The following USP9X variants were observed in gnomAD, a reference collection of about 807,000 sequenced individuals.
USP9X encodes ubiquitin specific peptidase 9 X-linked, also known as ubiquitin carboxyl-terminal hydrolase 9X.
USP9X carries 7 observed loss-of-function variants against 190.3 expected under a neutral mutation model. That is an observed-to-expected ratio of 0.04 (90% CI 0.02 to 0.07). The LOEUF (loss-of-function observed/expected upper bound fraction) is 0.07, where lower values mean the gene tolerates loss of function less well. Among genes scored for constraint, USP9X ranks in the 10% least tolerant of loss-of-function variants. USP9X has a pLI of 1.00. For synonymous variants in USP9X, 645 were observed against 659.5 expected (o/e 0.98, Z 0.34); for missense variants, 1,010 against 1,916.9 (o/e 0.53, Z 8.83).
intron 5 of USP9X, 118 bp from the exon 6 acceptor site, chrX:41,136,686 A>G (rs1246467781): frequency 1.9e-6 from 1 of 522,374 alleles, no homozygotes. Context: ...CCCAATATTA[A>G]TGATTAGAAA....
At chrX:41,142,849 T>C (rs1425187570) in intron 9 of USP9X, among the ~76,000 whole-genome samples, 1 of 111,873 alleles carries the variant, frequency 8.9e-6, no homozygotes, top group Non-Finnish European at 1.9e-5. Flanking sequence ...TTTGGAAAAT[T>C]AAAGAGATAA....
intron 21 of USP9X, among the ~76,000 whole-genome samples, chrX:41,181,203 G>A (rs1305245011): frequency 2.7e-5 from 3 of 109,722 alleles, no homozygotes; most frequent in Non-Finnish European, 5.7e-5. Flanking sequence ...TTTTAAAGAC[G>A]GAGAAACTGA....
At chrX:41,175,202 C>T (rs2062763250) in intron 21 of USP9X, among the ~76,000 whole-genome samples, 1 of 111,517 alleles carries the variant, frequency 9.0e-6, no homozygotes, top group Admixed American at 9.5e-5. Context: ...ATTCTTTCAG[C>T]ACTTGTGTGC....
intron 21 of USP9X, among the ~76,000 whole-genome samples, chrX:41,178,041 T>C (rs1252495575): frequency 9.3e-6 from 1 of 107,908 alleles, no homozygotes; most frequent in Non-Finnish European, 1.9e-5. Context: ...TCCAGAGTTT[T>C]TAGAAGGAAG....
At chrX:41,185,784 C>T (rs2062868448) in intron 23 of USP9X, among the ~76,000 whole-genome samples, 1 of 111,021 alleles carries the variant, frequency 9.0e-6, no homozygotes, top group South Asian at 3.8e-4. Flanking sequence ...CATGTTTCCA[C>T]TTTCACCTTT....
Position 41,234,642 on chromosome X carries a change from A to G in USP9X, c.*2118A>G, listed in dbSNP as rs923007955. The G allele has an allele frequency of 8.9e-6, 1 of 111,879 alleles. No homozygotes were observed. The highest frequency in any genetic ancestry group is 1.9e-5 in the Non-Finnish European group (1 of 53,134). The allele number at this position is 111,879 out of a possible 1,213,427, so 9.2% of individuals were successfully genotyped here. On this transcript the variant is annotated 3_prime_UTR_variant, in exon 45 of 45. Coordinates refer to ENST00000378308, the MANE Select transcript of USP9X (RefSeq NM_001039591.3). ...AGTGGCACAATCTTGGCTCACTGCAACGTCGCCTCCTGGGTTCAAGCGATT... is the reference window on the plus strand; with the variant it reads ...AGTGGCACAATCTTGGCTCACTGCAGCGTCGCCTCCTGGGTTCAAGCGATT...
chrX:41,176,455 T>C (rs2062775666), intron 21 of USP9X, among the ~76,000 whole-genome samples: 1 of 111,439 alleles, frequency 9.0e-6, no homozygotes, highest in African/African-American at 3.3e-5. Flanking sequence ...ACAGAGGAAA[T>C]GCTGACTTGA....
chrX:41,125,359 G>A lies in USP9X; in HGVS notation c.96+1635G>A, dbSNP rs1329693317. The stretch of plus-strand genomic sequence containing the variant: ...CAAAATGCTGGGATTACAGACATGA[G>A]CCACGGTACCCGGCCGATCCATTTT... On this transcript the variant is annotated intron_variant, in intron 2 of 44. Coordinates refer to ENST00000378308, the MANE Select transcript of USP9X (RefSeq NM_001039591.3). 5.0e-5 allele frequency among the ~76,000 whole-genome samples: 5 copies of A among 100,142 alleles called. No individual in the cohort carries two copies. In the East Asian group the frequency reaches 1.3e-3, roughly 25 times the overall value. The allele number at this position is 100,142 out of a possible 115,157, so 87.0% of individuals were successfully genotyped here.
rs1394105772 is a variant in USP9X at position 41,132,728 on chromosome X, C to T, written c.322+1192C>T. On this transcript the variant is annotated intron_variant, in intron 4 of 44. Coordinates refer to ENST00000378308, the MANE Select transcript of USP9X (RefSeq NM_001039591.3). Reference sequence around the variant, plus strand: ...CCTTCCAAAGTGCTGGGATTGCAGGCGTGAGCTACTGTACCCAGCCTATTT... The same window carrying T: ...CCTTCCAAAGTGCTGGGATTGCAGGTGTGAGCTACTGTACCCAGCCTATTT... 4.7e-5 allele frequency among the ~76,000 whole-genome samples: 5 copies of T among 107,438 alleles called. 1 individual carries two copies. In the East Asian group the frequency reaches 1.5e-3, roughly 31 times the overall value. The allele number at this position is 107,438 out of a possible 115,157, so 93.3% of individuals were successfully genotyped here. A position where few individuals can be genotyped will look rare whatever the true frequency, so the allele number is the denominator to read the frequency against.
chrX:41,184,295 G>A, intron 22 of USP9X, 102 bp from the exon 23 acceptor site: 1 of 1,014,308 alleles, frequency 9.9e-7, no homozygotes, highest in South Asian at 2.5e-5. Flanking sequence ...ATAATAGTGA[G>A]ATGGTCAAGA....
At chrX:41,119,520 A>G (rs1008661805) in intron 1 of USP9X, among the ~76,000 whole-genome samples, 1 of 111,415 alleles carries the variant, frequency 9.0e-6, no homozygotes, top group Non-Finnish European at 1.9e-5. Flanking sequence ...GGGGATGATG[A>G]TGATTGGAGC....
chrX:41,092,778 C>T (rs1003434724), intron 1 of USP9X, among the ~76,000 whole-genome samples: 1 of 111,134 alleles, frequency 9.0e-6, no homozygotes, highest in Non-Finnish European at 1.9e-5. Context: ...TGATTGCAGA[C>T]GTTCTGTGTG....
At chrX:41,125,163 CCT>C (rs977656161) in intron 2 of USP9X, among the ~76,000 whole-genome samples, 1 of 110,666 alleles carries the variant, frequency 9.0e-6, no homozygotes, top group Admixed American at 9.6e-5. Context: ...GCAACCTCCA[CCT>C]CCCTGGTTCA....
intron 2 of USP9X, among the ~76,000 whole-genome samples, chrX:41,128,372 T>G (rs1260902166): frequency 9.1e-6 from 1 of 109,886 alleles, no homozygotes; most frequent in Non-Finnish European, 1.9e-5. Context: ...AGTATAGAAT[T>G]TGAGCTGTGT....
intron 1 of USP9X, among the ~76,000 whole-genome samples, chrX:41,089,599 C>T (rs73478495): frequency 0.014 from 1,574 of 111,447 alleles, 31 homozygotes; most frequent in African/African-American, 0.049. Context: ...GCATTTGTCT[C>T]CTAGTAATTT....
intron 38 of USP9X, among the ~76,000 whole-genome samples, chrX:41,220,689 C>CA (rs2063253365): frequency 8.9e-6 from 1 of 112,186 alleles, no homozygotes; most frequent in Non-Finnish European, 1.9e-5. Context: ...CGAGGTGGCT[C>CA]ATGCCTGTAA....
intron 1 of USP9X, among the ~76,000 whole-genome samples, chrX:41,090,171 T>C (rs1341852352): frequency 9.2e-6 from 1 of 109,251 alleles, no homozygotes; most frequent in Admixed American, 9.9e-5. Context: ...CCTCCCGAAG[T>C]GTTAGGATTC....
At chrX:41,206,530 A>G (rs1488941544) in intron 32 of USP9X, among the ~76,000 whole-genome samples, 1 of 110,823 alleles carries the variant, frequency 9.0e-6, no homozygotes, top group Non-Finnish European at 1.9e-5. Context: ...CACAGTCTGA[A>G]TTTTGTTGAT....
At chrX:41,148,603 T>C (rs761253754) in intron 12 of USP9X, 28 bp downstream of exon 12, 2 of 1,182,243 alleles carry the variant, frequency 1.7e-6, no homozygotes, top group African/African-American at 3.5e-5. Flanking sequence ...TGCTCACTTT[T>C]TGTGACTTTT....
Sources: allele counts gnomAD v4.1 joint callset (sites outside exome capture counted in the v4.1 genomes callset), GRCh38; gene constraint gnomAD v4.1.1; transcripts MANE v1.5; gene names NCBI Gene and HGNC (gene_info 2026-07-23, HGNC 2026-07-21).